The following ADAMTS8 variants were observed in gnomAD, a reference collection of about 807,000 sequenced individuals.
ADAMTS8 encodes the protein ADAM metallopeptidase with thrombospondin type 1 motif 8.
In ADAMTS8, 50 loss-of-function variants were observed where a neutral mutation model predicts 64.4. The observed-to-expected ratio is 0.78, with a 90% CI of 0.62 to 0.98. ADAMTS8 has a LOEUF of 0.98. ADAMTS8 is among the 50% of genes least tolerant of loss of function. ADAMTS8 has a pLI of 0.00. For synonymous variants in ADAMTS8, 556 were observed against 533.6 expected, an observed-to-expected ratio of 1.04 and a Z score of -0.58; for missense variants, 1,192 against 1,208.2, an observed-to-expected ratio of 0.99 and a Z score of 0.20.
chr11:130,427,015 T>G (rs1193537196), intron 1 of ADAMTS8, among the ~76,000 whole-genome samples: 1 of 152,224 alleles, frequency 6.6e-6, no homozygotes, highest in Non-Finnish European at 1.5e-5. Context: ...TGCACAGAAG[T>G]TGGGCAGCCC....
At position 130,413,487 on chromosome 11, in the gene ADAMTS8, G is replaced by A. The variant is rs147686846; in HGVS notation, c.1566+1044C>T. On this transcript the variant is annotated intron_variant, in intron 5 of 8. Coordinates refer to ENST00000257359, the MANE Select transcript of ADAMTS8 (RefSeq NM_007037.6). Reference sequence around the variant, plus strand: ...GCCACCCTGGCGATTCAGCGCTGGCGGGGACCGGGCTGTGAAACCCAGTGG... The same window carrying A: ...GCCACCCTGGCGATTCAGCGCTGGCAGGGACCGGGCTGTGAAACCCAGTGG... Among the ~76,000 whole-genome samples the A allele has an allele frequency of 9.2e-5, 14 of 152,306 alleles. No homozygotes were observed. The East Asian group carries it at 1.9e-3, about 21-fold the overall frequency.
At chr11:130,423,468 A>T (rs1862125844) in intron 1 of ADAMTS8, among the ~76,000 whole-genome samples, 1 of 152,152 alleles carries the variant, frequency 6.6e-6, no homozygotes, top group African/African-American at 2.4e-5. Context: ...TAGTATTAAT[A>T]ATTATGCCAG....
chr11:130,416,750 C>T lies in ADAMTS8; in HGVS notation c.1096+190G>A, dbSNP rs908993582. Among the ~76,000 whole-genome samples the T allele has an allele frequency of 4.6e-5, 7 of 152,104 alleles. No homozygotes were observed. The highest frequency in any genetic ancestry group is 7.2e-5 in the African/African-American group (3 of 41,424). On this transcript the variant is annotated intron_variant, in intron 3 of 8. Transcript: ENST00000257359. This position sits in a 1 kb window ranked among gnomAD's most constrained non-coding sequence, Gnocchi z 4.8. ...TGCTTTTGTATTTTGGCCATGTGCT[C>T]GGGGTGGGAGCGGAGTTGTGTTCAG...
At chr11:130,421,114 A>G (rs1238084032) in intron 1 of ADAMTS8, among the ~76,000 whole-genome samples, 1 of 152,202 alleles carries the variant, frequency 6.6e-6, no homozygotes, top group African/African-American at 2.4e-5. Flanking sequence ...AAAGCTAAGG[A>G]ACACCAGCTG....
Position 130,428,055 on chromosome 11 carries a change from CGGGCG to C in ADAMTS8, c.227_231del (p.Ala76GlyfsTer122). The C allele has an allele frequency of 6.5e-7, 1 of 1,531,604 alleles. No homozygotes were observed. The highest frequency in any genetic ancestry group is 8.7e-7 in the Non-Finnish European group (1 of 1,146,698). The allele number at this position is 1,531,604 out of a possible 1,614,324, so 94.9% of individuals were successfully genotyped here. On this transcript the variant is annotated frameshift_variant, in exon 1 of 9. Transcript: ENST00000257359. LOFTEE classifies it high-confidence loss of function. ...CCCCCGAGGCGCTCGATCTTGAACT[CGGGCG>C]CTAGGAAGCTGTCGTCGGGCGCCAG...
intron 8 of ADAMTS8, 101 bp from the exon 9 acceptor site, chr11:130,406,229 G>A (rs1430049408): frequency 2.9e-6 from 4 of 1,399,930 alleles, no homozygotes; most frequent in East Asian, 2.4e-5. Flanking sequence ...TGGCAGACAC[G>A]AAAAAAACAA....
chr11:130,409,735 G>C (rs1437859740), intron 6 of ADAMTS8, among the ~76,000 whole-genome samples: 1 of 152,208 alleles, frequency 6.6e-6, no homozygotes, highest in African/African-American at 2.4e-5. Context: ...GCTGCTGCCA[G>C]ACCAACCCAT....
chr11:130,426,488 A>G (rs139222419), intron 1 of ADAMTS8, among the ~76,000 whole-genome samples: 2 of 152,288 alleles, frequency 1.3e-5, no homozygotes, highest in African/African-American at 4.8e-5. Flanking sequence ...TCAGGGAACT[A>G]TGACGTCTGG....
Position 130,414,598 on chromosome 11 carries a change from G to T in ADAMTS8, c.1499C>A (p.Pro500Gln). ...TGAGCAGAGGTGCCCAGGCCCGCACGGCGTGCCGTCAGCCCAGGGCAGGCT... is the reference window on the plus strand; with the variant it reads ...TGAGCAGAGGTGCCCAGGCCCGCACTGCGTGCCGTCAGCCCAGGGCAGGCT... ...NGSLPWADGTPCGPGHLCSEG... is the reference protein window; with the variant it reads ...NGSLPWADGTQCGPGHLCSEG... Residue 500 changes from proline (P) to glutamine (Q), a missense_variant, in exon 5 of 9, where the codon CCG (proline) becomes CAG (glutamine). Physicochemically the swap from Pro to Gln is moderately conservative, Grantham distance 76. Transcript: ENST00000257359. The T allele has an allele frequency of 6.2e-7, 1 of 1,613,290 alleles. No homozygotes were observed. The highest frequency in any genetic ancestry group is 1.3e-5 in the African/African-American group (1 of 75,064).
Position 130,427,615 on chromosome 11 carries a change from C to T in ADAMTS8, c.672G>A (p.Leu224=), listed in dbSNP as rs1862187024. ...FVSEARFVET[L]LVADASMAAF... ...CAGCCATGGACGCATCGGCCACCAGCAGCGTCTCCACGAAGCGCGCCTCAG... is the reference window on the plus strand; with the variant it reads ...CAGCCATGGACGCATCGGCCACCAGTAGCGTCTCCACGAAGCGCGCCTCAG... Residue 224 remains leucine (L), a synonymous_variant, in exon 1 of 9, where the codon CTG becomes CTA. Transcript: ENST00000257359. 6.4e-7 allele frequency: 1 copy of T among 1,553,458 alleles called. No homozygotes were observed. Among genetic ancestry groups the T allele is most frequent in the South Asian group, 1.2e-5 (1 of 84,740 alleles).
rs976624815 is a variant in ADAMTS8 at position 130,405,798 on chromosome 11, A to G, written c.2430T>C (p.Asn810=). 6.2e-7 allele frequency: 1 copy of G among 1,614,084 alleles called. No individual in the cohort carries two copies. Among genetic ancestry groups the G allele is most frequent in the Non-Finnish European group, 8.5e-7 (1 of 1,180,044 alleles). ...TGCTCTGCATGCTAAAGTCCACGTC[A>G]TTAGGAACAAAGAAGGTGTATTTGA... The part of the protein sequence containing the change: ...PKVKYTFFVP[N]DVDFSMQSSK... The change falls in exon 9 of 9, where the codon AAT becomes AAC. Residue 810 remains asparagine (N), a synonymous_variant. Coordinates refer to ENST00000257359, the MANE Select transcript of ADAMTS8 (RefSeq NM_007037.6).
chr11:130,420,278 A>AC (rs1862083032), intron 1 of ADAMTS8, among the ~76,000 whole-genome samples: 1 of 152,174 alleles, frequency 6.6e-6, no homozygotes, highest in African/African-American at 2.4e-5. Context: ...AACAGAGCAT[A>AC]CATCACTGCT....
In ADAMTS8 at chr11:130,425,663, C is replaced by T. The variant is rs184632430; in HGVS notation, c.720+1904G>A. On this transcript the variant is annotated intron_variant, in intron 1 of 8. Coordinates refer to ENST00000257359, the MANE Select transcript of ADAMTS8 (RefSeq NM_007037.6). ...TCACCCAGGCTGGAGTGCAGTGGCGCGGTCTCCGCTCACTGCAAGCTCTGC... is the reference window on the plus strand; with the variant it reads ...TCACCCAGGCTGGAGTGCAGTGGCGTGGTCTCCGCTCACTGCAAGCTCTGC... 1.1e-4 allele frequency among the ~76,000 whole-genome samples: 17 copies of T among 150,734 alleles called. No individual in the cohort carries two copies. In the East Asian group the frequency reaches 2.3e-3, roughly 21 times the overall value.
chr11:130,416,938 A>G lies in ADAMTS8; in HGVS notation c.1096+2T>C, dbSNP rs1862033917. On this transcript the variant is annotated splice_donor_variant, in intron 3 of 8. Transcript: ENST00000257359. LOFTEE classifies it high-confidence loss of function. The surrounding 1 kb of genome is among the most constrained non-coding windows in gnomAD (Gnocchi z 4.8). ...AGTGGGCTTTGGCACAGCAAATCTT[A>G]CCTAGTTCATGGGCCAGGGTGTGGG... is the stretch of plus-strand genomic sequence containing the variant. The G allele has an allele frequency of 5.6e-6, 9 of 1,614,026 alleles. No homozygotes were observed. The highest frequency in any genetic ancestry group is 1.3e-5 in the African/African-American group (1 of 75,038).
chr11:130,406,915 T>C (rs1021206), intron 8 of ADAMTS8, among the ~76,000 whole-genome samples: 131,862 of 152,202 alleles, frequency 0.87, 57,309 homozygotes, highest in East Asian at 0.97. Context: ...GCTTTTTGCT[T>C]TTCTTACCAT....
At chr11:130,407,625 C>T (rs1861900680) in intron 8 of ADAMTS8, among the ~76,000 whole-genome samples, 1 of 152,092 alleles carries the variant, frequency 6.6e-6, no homozygotes, top group Non-Finnish European at 1.5e-5. Flanking sequence ...AGCCCTAGGA[C>T]ACATTGATGT....
At chr11:130,422,410 C>T (rs926018926) in intron 1 of ADAMTS8, among the ~76,000 whole-genome samples, 10 of 152,166 alleles carry the variant, frequency 6.6e-5, no homozygotes, top group Middle Eastern at 3.4e-3. Context: ...GTGATGGGGA[C>T]GGGCCGGCCT....
intron 6 of ADAMTS8, among the ~76,000 whole-genome samples, chr11:130,409,376 A>G (rs890372460): frequency 6.6e-6 from 1 of 152,092 alleles, no homozygotes; most frequent in Non-Finnish European, 1.5e-5. Flanking sequence ...TCTAGCTCTG[A>G]TCTTGCCCCT....
Position 130,428,011 on chromosome 11 carries a change from C to G in ADAMTS8, c.276G>C (p.Gly92=), listed in dbSNP as rs1312969711. 2.0e-6 allele frequency: 3 copies of G among 1,525,938 alleles called. No individual in the cohort carries two copies. In the East Asian group the frequency reaches 7.6e-5, roughly 39 times the overall value. The allele number at this position is 1,525,938 out of a possible 1,614,324, so 94.5% of individuals were successfully genotyped here. The change falls in exon 1 of 9, where the codon GGG becomes GGC. Residue 92 remains glycine (G), a synonymous_variant. Coordinates refer to ENST00000257359, the MANE Select transcript of ADAMTS8 (RefSeq NM_007037.6). ...ERLGGSGRAT[G]GERGLRGCFF... ...AGCAGCCGCGCAGCCCCCGCTCGCC[C>G]CCGGTCGCCCGGCCGGAGCCCCCGA...
Sources: gnomAD v4.1 joint callset for allele counts (sites outside exome capture counted in the v4.1 genomes callset) on GRCh38, gnomAD v4.1.1 for gene constraint, Gnocchi (gnomAD v3.1) non-coding constraint, MANE v1.5 for transcripts, NCBI Gene and HGNC (gene_info 2026-07-23, HGNC 2026-07-21) for gene names.